Variants in HTR3B observed in about 807,000 individuals in gnomAD.
HTR3B encodes 5-hydroxytryptamine receptor 3B, also known as 5-hydroxytryptamine (serotonin) receptor 3B, ionotropic.
Under a neutral mutation model 42.8 loss-of-function variants are expected in HTR3B, and 44 were observed. The ratio of observed to expected loss-of-function variants is 1.03; its 90% CI spans 0.81 to 1.32. HTR3B has a LOEUF of 1.32. Among genes scored for constraint, HTR3B ranks in the 40% most tolerant of loss-of-function variants. The pLI is 0.00. For missense variants in HTR3B, 527 were observed against 536.5 expected (o/e 0.98, Z 0.17); for synonymous variants, 203 against 209.0 (o/e 0.97, Z 0.25).
intron 2 of HTR3B, among the ~76,000 whole-genome samples, chr11:113,927,629 C>A (rs1269129265): frequency 6.6e-6 from 1 of 151,296 alleles, no homozygotes; most frequent in Non-Finnish European, 1.5e-5. Flanking sequence ...GTGGCTCAAT[C>A]TTAGCTCACT....
At chr11:113,921,533 C>T (rs1170534972) in intron 2 of HTR3B, among the ~76,000 whole-genome samples, 4 of 151,366 alleles carry the variant, frequency 2.6e-5, no homozygotes, top group Non-Finnish European at 5.9e-5. Context: ...GCAGGAGAAT[C>T]GCTTGGACCC....
At chr11:113,899,307 C>T in the HTR3B span, among the ~76,000 whole-genome samples, 1 of 152,140 alleles carries the variant, frequency 6.6e-6, no homozygotes, top group Admixed American at 6.6e-5. Flanking sequence ...TGAGGTGCCT[C>T]CTCTGTGGTT....
intron 6 of HTR3B, among the ~76,000 whole-genome samples, chr11:113,936,182 T>C (rs962497080): frequency 1.3e-5 from 2 of 152,128 alleles, no homozygotes; most frequent in African/African-American, 2.4e-5. Flanking sequence ...TGATTTTGCA[T>C]GGCAGTGGTT....
At chr11:113,926,865 T>A (rs2137513871) in intron 2 of HTR3B, among the ~76,000 whole-genome samples, 1 of 152,250 alleles carries the variant, frequency 6.6e-6, no homozygotes, top group Non-Finnish European at 1.5e-5. Context: ...CACTTAATAA[T>A]CCTGCCAGCA....
chr11:113,900,610 C>T (rs981535245), upstream of HTR3B, among the ~76,000 whole-genome samples: 4 of 152,178 alleles, frequency 2.6e-5, no homozygotes, highest in African/African-American at 9.7e-5. Flanking sequence ...TCTCCTTCCT[C>T]AGCCTCCTGA....
chr11:113,926,422 A>G (rs1309645232), intron 2 of HTR3B, among the ~76,000 whole-genome samples: 1 of 150,200 alleles, frequency 6.7e-6, no homozygotes, highest in East Asian at 2.0e-4. Flanking sequence ...ATATATGTTT[A>G]ATCTTTTAAG....
At chr11:113,921,594 G>C (rs976318942) in intron 2 of HTR3B, among the ~76,000 whole-genome samples, 7 of 150,904 alleles carry the variant, frequency 4.6e-5, no homozygotes, top group Non-Finnish European at 1.0e-4. Flanking sequence ...ACTCCAACTT[G>C]GCGACAGAAT....
At chr11:113,909,984 CA>C (rs1178070726) in intron 2 of HTR3B, among the ~76,000 whole-genome samples, 2,837 of 38,960 alleles carry the variant, frequency 0.073, 45 homozygotes, top group East Asian at 0.32. Flanking sequence ...ACCTTGTCTC[CA>C]AAAAAAAAAA....
rs970695698 is a variant in HTR3B at position 113,948,811 on chromosome 11, C to T, written c.*2674C>T. ...CCAGGAGGTGGAGGTTGCGGTGAGCCGAGATCGTGCCATTGCACTCCAGCC... is the reference window on the plus strand; with the variant it reads ...CCAGGAGGTGGAGGTTGCGGTGAGCTGAGATCGTGCCATTGCACTCCAGCC... On this transcript the variant is annotated 3_prime_UTR_variant, in exon 9 of 9. Transcript: ENST00000260191. 1.3e-4 allele frequency among the ~76,000 whole-genome samples: 20 copies of T among 150,456 alleles called. No homozygotes were observed. Among genetic ancestry groups the T allele is most frequent in the African/African-American group, 4.7e-4 (19 of 40,808 alleles).
chr11:113,908,354 A>G (rs899918034), intron 1 of HTR3B, among the ~76,000 whole-genome samples: 13 of 152,156 alleles, frequency 8.5e-5, no homozygotes, highest in African/African-American at 3.1e-4. Context: ...AGCTCATCAA[A>G]ATAACCATCA....
chr11:113,905,055 A>C (rs977627287), intron 1 of HTR3B, 70 bp downstream of exon 1: 8 of 1,092,770 alleles, frequency 7.3e-6, no homozygotes, highest in African/African-American at 4.6e-5. Context: ...ATATTTGTAT[A>C]CACCGTACTG....
chr11:113,923,227 C>CT (rs1413928487), intron 2 of HTR3B, among the ~76,000 whole-genome samples: 1 of 152,146 alleles, frequency 6.6e-6, no homozygotes, highest in Non-Finnish European at 1.5e-5. Flanking sequence ...GAATAGATAA[C>CT]TTGTTGGATG....
At chr11:113,932,812 G>A in intron 5 of HTR3B, 124 bp from the exon 6 acceptor site, 1 of 933,474 alleles carries the variant, frequency 1.1e-6, no homozygotes, top group South Asian at 1.6e-5. Context: ...TTCAAATAAG[G>A]CCAAGGAGAC....
chr11:113,902,456 C>T (rs1010062905), upstream of HTR3B, among the ~76,000 whole-genome samples: 4 of 151,980 alleles, frequency 2.6e-5, no homozygotes, highest in Admixed American at 1.3e-4. Flanking sequence ...GCCACCGTGC[C>T]GGGCTAATTT....
At chr11:113,910,833 C>CT (rs11380661) in intron 2 of HTR3B, among the ~76,000 whole-genome samples, 54,301 of 140,218 alleles carry the variant, frequency 0.39, 10,780 homozygotes, top group Middle Eastern at 0.49. Context: ...GTTTTCTTTT[C>CT]TTTTTTTTTT....
chr11:113,922,480 C>T (rs1403146739), intron 2 of HTR3B, among the ~76,000 whole-genome samples: 1 of 152,102 alleles, frequency 6.6e-6, no homozygotes, highest in Non-Finnish European at 1.5e-5. Flanking sequence ...GTGATCCACT[C>T]ACCTCAGCCT....
In HTR3B at chr11:113,944,298, G is replaced by A. The variant is rs190923899; in HGVS notation, c.908-275G>A. On this transcript the variant is annotated intron_variant, in intron 7 of 8. Coordinates refer to ENST00000260191, the MANE Select transcript of HTR3B (RefSeq NM_006028.5). The stretch of plus-strand genomic sequence containing the variant: ...CTCCCAAAGTGTTGGGATTACAGGC[G>A]TGAGCCACCAAGTCCGGCCGTGAGG... 4.6e-5 allele frequency among the ~76,000 whole-genome samples: 7 copies of A among 152,136 alleles called. No homozygotes were observed. The East Asian group carries it at 5.8e-4, about 13-fold the overall frequency.
upstream of HTR3B, among the ~76,000 whole-genome samples, chr11:113,902,822 G>A (rs1949704785): frequency 6.6e-6 from 1 of 152,142 alleles, no homozygotes; most frequent in Non-Finnish European, 1.5e-5. Context: ...TAGTCTGATA[G>A]GTTCCTCAGT....
chr11:113,909,984 CAA>C (rs1178070726), intron 2 of HTR3B, among the ~76,000 whole-genome samples: 9 of 39,000 alleles, frequency 2.3e-4, no homozygotes, highest in East Asian at 1.2e-3. Context: ...ACCTTGTCTC[CAA>C]AAAAAAAAAA....
Sources: allele counts gnomAD v4.1 joint callset (sites outside exome capture counted in the v4.1 genomes callset), GRCh38; gene constraint gnomAD v4.1.1; transcripts MANE v1.5; gene names NCBI Gene and HGNC (gene_info 2026-07-23, HGNC 2026-07-21).